The following ATF7 variants were observed in gnomAD, a reference collection of about 807,000 sequenced individuals.
ATF7 encodes activating transcription factor 7, also known as cyclic AMP-dependent transcription factor ATF-7.
Under a neutral mutation model 50.4 loss-of-function variants are expected in ATF7, and 10 were observed. The observed-to-expected ratio is 0.20, with a 90% CI of 0.12 to 0.34. The LOEUF is 0.34. Ranked by LOEUF, ATF7 falls within the 10% of genes least tolerant of loss-of-function variation. The probability of loss-of-function intolerance (pLI) is 1.00; values close to 1 mark genes in which losing one functional copy is unlikely to be tolerated. For synonymous variants in ATF7, 201 were observed against 226.4 expected (o/e 0.89, Z 1.01); for missense variants, 465 against 613.9 (o/e 0.76, Z 2.56).
Position 53,529,348 on chromosome 12 carries a change from C to A in ATF7, c.927+2396G>T, listed in dbSNP as rs548090132. ...CTGAGTAGCTGGGATTACAGGCGTG[C>A]GCCACCACGCCTGGCTAATTTTTGT... On this transcript the variant is annotated intron_variant, in intron 9 of 11. Transcript: ENST00000420353. 2.6e-5 allele frequency among the ~76,000 whole-genome samples: 4 copies of A among 151,346 alleles called. No individual in the cohort carries two copies. The South Asian group carries it at 6.3e-4, about 24-fold the overall frequency.
chr12:53,529,803 C>T (rs148812126), intron 9 of ATF7, among the ~76,000 whole-genome samples: 14 of 149,804 alleles, frequency 9.3e-5, no homozygotes, highest in African/African-American at 1.5e-4. Context: ...TGCAGTGGCA[C>T]GATCTCGGCT....
At chr12:53,544,216 G>A (rs1939742769) in intron 3 of ATF7, among the ~76,000 whole-genome samples, 1 of 152,196 alleles carries the variant, frequency 6.6e-6, no homozygotes, top group South Asian at 2.1e-4. Flanking sequence ...CCCTTCTGAA[G>A]AGAAAGGCTC....
intron 1 of ATF7, among the ~76,000 whole-genome samples, chr12:53,625,444 G>C (rs1944565055): frequency 6.6e-6 from 1 of 152,130 alleles, no homozygotes; most frequent in African/African-American, 2.4e-5. Flanking sequence ...CTAAAGACAT[G>C]TGTATATCAG....
intron 1 of ATF7, among the ~76,000 whole-genome samples, chr12:53,615,349 A>G (rs978075242): frequency 5.9e-5 from 9 of 152,104 alleles, no homozygotes; most frequent in Non-Finnish European, 1.0e-4. Context: ...GTGCCACTGC[A>G]CTCCAGCCTG....
chr12:53,531,742 A>G lies in ATF7; in HGVS notation c.927+2T>C. 1 of 1,610,080 alleles carries G rather than the reference A, an allele frequency of 6.2e-7. No homozygotes were observed. On this transcript the variant is annotated splice_donor_variant, in intron 9 of 11. Coordinates refer to ENST00000420353, the MANE Select transcript of ATF7 (RefSeq NM_006856.3). LOFTEE classifies it high-confidence loss of function. ...ATGACATAAAGAGTAAGAGCCACTG[A>G]CCTGTGGCTGGGCAGGGGATGGGGC...
chr12:53,560,424 G>GT (rs146525586), intron 2 of ATF7, among the ~76,000 whole-genome samples: 3,217 of 152,208 alleles, frequency 0.021, 116 homozygotes, highest in African/African-American at 0.073. Context: ...CAAATGAGAC[G>GT]TAAGGCCAAA....
chr12:53,532,807 G>A (rs935754182), intron 7 of ATF7, among the ~76,000 whole-genome samples, 184 bp from the exon 8 acceptor site: 10 of 152,266 alleles, frequency 6.6e-5, no homozygotes, highest in Middle Eastern at 3.4e-3. Context: ...CCAGAGTAGG[G>A]AATTTAATCC....
chr12:53,542,628 G>A (rs1939644713), intron 4 of ATF7, among the ~76,000 whole-genome samples: 1 of 152,118 alleles, frequency 6.6e-6, no homozygotes, highest in African/African-American at 2.4e-5. Context: ...TGGAGGTCCT[G>A]CTATTGCCAA....
chr12:53,535,697 AATC>A (rs1592810558), intron 5 of ATF7, among the ~76,000 whole-genome samples: 2 of 152,208 alleles, frequency 1.3e-5, no homozygotes, highest in South Asian at 4.1e-4. Context: ...TAAAAAGAAT[AATC>A]ATCAGACTTC....
At position 53,616,612 on chromosome 12, in the gene ATF7, T is replaced by C. The variant is rs570510692; in HGVS notation, c.-22+9667A>G. 1.3e-4 allele frequency among the ~76,000 whole-genome samples: 20 copies of C among 152,266 alleles called. No individual in the cohort carries two copies. The South Asian group carries it at 4.1e-3, about 32-fold the overall frequency. On this transcript the variant is annotated intron_variant, in intron 1 of 11. Coordinates refer to ENST00000420353, the MANE Select transcript of ATF7 (RefSeq NM_006856.3). ...ACTTTATGCACATTCTGGTTTCAAA[T>C]GTATGGGAACACTGAGGATTAAAAT...
intron 3 of ATF7, among the ~76,000 whole-genome samples, chr12:53,545,622 C>T (rs1395754823): frequency 6.6e-6 from 1 of 152,070 alleles, no homozygotes; most frequent in East Asian, 1.9e-4. Context: ...AGGCGTGAGC[C>T]ACCGCGCCTA....
intron 5 of ATF7, among the ~76,000 whole-genome samples, chr12:53,536,339 C>T (rs1301668194): frequency 6.7e-6 from 1 of 150,138 alleles, no homozygotes; most frequent in Non-Finnish European, 1.5e-5. Context: ...TGCAATGGTG[C>T]AATCTTGGCT....
intron 2 of ATF7, among the ~76,000 whole-genome samples, chr12:53,596,156 C>A (rs563579077): frequency 6.6e-6 from 1 of 151,974 alleles, no homozygotes. Flanking sequence ...AAAAATTAGC[C>A]GGGAGTGGCA....
intron 1 of ATF7, among the ~76,000 whole-genome samples, chr12:53,621,751 T>C (rs1944390807): frequency 7.0e-6 from 1 of 143,814 alleles, no homozygotes; most frequent in Non-Finnish European, 1.5e-5. Context: ...ATCGAGCCAC[T>C]GTATTCCAGC....
chr12:53,568,588 T>C (rs1274932072), intron 2 of ATF7, among the ~76,000 whole-genome samples: 2 of 152,216 alleles, frequency 1.3e-5, no homozygotes, highest in African/African-American at 4.8e-5. Flanking sequence ...GCAGGTCTTC[T>C]ATATAAACCA....
chr12:53,592,643 T>C (rs1942995067), intron 2 of ATF7, among the ~76,000 whole-genome samples: 1 of 152,198 alleles, frequency 6.6e-6, no homozygotes, highest in Non-Finnish European at 1.5e-5. Flanking sequence ...GTTTAAAACA[T>C]GTGTTGTTAT....
chr12:53,618,703 TTG>T (rs368518238), intron 1 of ATF7, among the ~76,000 whole-genome samples: 2,598 of 102,418 alleles, frequency 0.025, 62 homozygotes, highest in East Asian at 0.12. Context: ...TAAATGGCAA[TTG>T]TGTGTGTGTG....
chr12:53,526,257 C>G (rs1033736170), intron 9 of ATF7, among the ~76,000 whole-genome samples: 6 of 151,358 alleles, frequency 4.0e-5, no homozygotes, highest in African/African-American at 1.5e-4. Context: ...TTCTCCGGCC[C>G]CCCTTCCAAC....
chr12:53,551,513 T>C (rs970152106), intron 3 of ATF7, among the ~76,000 whole-genome samples: 6 of 152,212 alleles, frequency 3.9e-5, no homozygotes, highest in Non-Finnish European at 4.4e-5. Flanking sequence ...CATTTATGTC[T>C]TGTTCCTAAG....
Sources: gnomAD v4.1 joint callset for allele counts (sites outside exome capture counted in the v4.1 genomes callset) on GRCh38, gnomAD v4.1.1 for gene constraint, MANE v1.5 for transcripts, NCBI Gene and HGNC (gene_info 2026-07-23, HGNC 2026-07-21) for gene names.